The following GNAS variants were observed in gnomAD, a reference collection of about 807,000 sequenced individuals.
GNAS encodes protein ALEX.
GNAS carries 8 observed loss-of-function variants against 54.5 expected under a neutral mutation model. The observed-to-expected ratio is 0.15, with a 90% CI of 0.09 to 0.26. The LOEUF is 0.26. GNAS is among the 10% of genes least tolerant of loss of function. GNAS has a pLI of 1.00. For missense variants in GNAS, 170 were observed against 529.8 expected (o/e 0.32, Z 6.67); for synonymous variants, 204 against 191.4 (o/e 1.07, Z -0.54).
intron 1 of GNAS, among the ~76,000 whole-genome samples, chr20:58,866,471 C>A (rs2087073512): frequency 6.6e-6 from 1 of 152,176 alleles, no homozygotes; most frequent in Admixed American, 6.5e-5. Flanking sequence ...GACTCTGTAA[C>A]CATTATTTCT....
intron 1 of GNAS, among the ~76,000 whole-genome samples, chr20:58,883,525 G>A (rs1000786861): frequency 4.6e-5 from 7 of 152,224 alleles, no homozygotes; most frequent in Admixed American, 3.3e-4. Flanking sequence ...AACGCTTGCC[G>A]CTTGGGCTGA....
In GNAS at chr20:58,849,129, A is replaced by G. The variant is rs971271466; in HGVS notation, c.43+8243A>G. Among the ~76,000 whole-genome samples, 4 of 152,060 alleles carry G rather than the reference A, an allele frequency of 2.6e-5. No homozygotes were observed. The East Asian group carries it at 5.8e-4, about 22-fold the overall frequency. On this transcript the variant is annotated intron_variant, in intron 1 of 12. Coordinates refer to the GNAS transcript ENST00000306090. ...AGTCTGGAGACATTTTTGGTTGTTA[A>G]AACTAAGGGGATGCTACTGGCATCT...
rs749050777 is a variant in GNAS at position 58,854,204 on chromosome 20, C to G, written c.43+13318C>G. 6.2e-6 allele frequency: 10 copies of G among 1,613,102 alleles called. No homozygotes were observed. In the South Asian group the frequency reaches 8.8e-5, roughly 14 times the overall value. Reference sequence around the variant, plus strand: ...CCGGACCCCCGTTCGAGATTGGCAGCGCCCCCGCTGGGGTCGACGACACTC... The same window carrying G: ...CCGGACCCCCGTTCGAGATTGGCAGGGCCCCCGCTGGGGTCGACGACACTC... On this transcript the variant is annotated intron_variant, in intron 1 of 12. Transcript: ENST00000306090.
At chr20:58,852,367 T>C (rs1005386585) in intron 1 of GNAS, among the ~76,000 whole-genome samples, 1 of 152,144 alleles carries the variant, frequency 6.6e-6, no homozygotes, top group African/African-American at 2.4e-5. Context: ...CGTGCTTGCA[T>C]ACTCGGCATC....
chr20:58,889,568 TCCG>T (rs2088917488), upstream of GNAS: 1 of 153,186 alleles, frequency 6.5e-6, no homozygotes, highest in South Asian at 2.1e-4. Flanking sequence ...ACTCCTGCCA[TCCG>T]CGCCTTTGCA....
chr20:58,909,124 C>A lies in GNAS; in HGVS notation c.531-38C>A, dbSNP rs778699901. On this transcript the variant is annotated intron_variant, in intron 6 of 12. Transcript: ENST00000371085. The surrounding 1 kb of genome is among the most constrained non-coding windows in gnomAD (Gnocchi z 7.3). Reference sequence around the variant, plus strand: ...CAAATAGTTGGCAAATTGATGTGAGCGCTGTGAACACCCCACGTGTCTTTC... The same window carrying A: ...CAAATAGTTGGCAAATTGATGTGAGAGCTGTGAACACCCCACGTGTCTTTC... 3.2e-6 allele frequency: 5 copies of A among 1,574,632 alleles called. No individual in the cohort carries two copies. Among genetic ancestry groups the A allele is most frequent in the Non-Finnish European group, 3.5e-6 (4 of 1,144,230 alleles).
chr20:58,891,985 C>G lies in GNAS; in HGVS notation c.139+120C>G, dbSNP rs1247523719. 3 of 754,810 alleles carry G rather than the reference C, an allele frequency of 4.0e-6. No individual in the cohort carries two copies. The South Asian group carries it at 1.8e-4, about 45-fold the overall frequency. 46.8% of individuals were successfully genotyped at this position (754,810 alleles called of 1,614,324 possible). A position where few individuals can be genotyped will look rare whatever the true frequency, so the allele number is the denominator to read the frequency against. ...CGCGCTCCCGAGCCCCCCGCCCGTTCGCGGGCTCTGTCTGTGGGGGGCGAG... is the reference window on the plus strand; with the variant it reads ...CGCGCTCCCGAGCCCCCCGCCCGTTGGCGGGCTCTGTCTGTGGGGGGCGAG... On this transcript the variant is annotated intron_variant, in intron 1 of 12. Coordinates refer to ENST00000371085, the MANE Select transcript of GNAS (RefSeq NM_000516.7).
intron 5 of GNAS, 91 bp from the exon 6 acceptor site, chr20:58,905,292 T>C (rs2090964059): frequency 1.3e-6 from 1 of 797,606 alleles, no homozygotes. Flanking sequence ...GTCGGTCACA[T>C]AGGGAACTCT....
intron 1 of GNAS, among the ~76,000 whole-genome samples, chr20:58,846,572 G>A (rs4810147): frequency 0.39 from 58,985 of 152,128 alleles, 14,452 homozygotes; most frequent in East Asian, 0.81. Context: ...AAAGCTTTGG[G>A]TTTTGGTTCA....
intron 6 of GNAS, among the ~76,000 whole-genome samples, chr20:58,906,683 C>T (rs979661910): frequency 2.0e-5 from 3 of 152,088 alleles, no homozygotes; most frequent in African/African-American, 4.8e-5. Flanking sequence ...AGGTGCCTGC[C>T]GCCACAACCA....
chr20:58,903,502 A>G (rs1569015183), intron 3 of GNAS, 29 bp from the exon 4 acceptor site: 3 of 1,590,120 alleles, frequency 1.9e-6, no homozygotes, highest in Non-Finnish European at 2.6e-6. Context: ...GTGCAATATG[A>G]TTTTCTTTTC....
chr20:58,850,203 G>T (rs2086102153), intron 1 of GNAS, among the ~76,000 whole-genome samples: 1 of 152,122 alleles, frequency 6.6e-6, no homozygotes, highest in Non-Finnish European at 1.5e-5. Flanking sequence ...ATTTTCTCCA[G>T]CAAGACTTTC....
intron 1 of GNAS, chr20:58,854,981 C>T (rs775043398): frequency 4.3e-6 from 7 of 1,612,046 alleles, no homozygotes; most frequent in East Asian, 2.2e-5. Flanking sequence ...TGGCCAGCAG[C>T]GACGATGACT....
At position 58,857,597 on chromosome 20, in the gene GNAS, C is replaced by T. The variant is rs1240053297; in HGVS notation, c.43+16711C>T. Among the ~76,000 whole-genome samples, 1 of 151,830 alleles carries T rather than the reference C, an allele frequency of 6.6e-6. No individual in the cohort carries two copies. The highest frequency in any genetic ancestry group is 1.5e-5 in the Non-Finnish European group (1 of 67,936). On this transcript the variant is annotated intron_variant, in intron 1 of 12. Transcript: ENST00000306090. The surrounding 1 kb of genome is among the most constrained non-coding windows in gnomAD (Gnocchi z 4.1). ...CAGTTGCCTCCTTTGTGAAATGAAG[C>T]TTTCCTAGCAGATCTCCACTAAGGA... is the stretch of plus-strand genomic sequence containing the variant.
rs747319359 is a variant in GNAS at position 58,853,850 on chromosome 20, C to T, written c.43+12964C>T. 5 of 1,593,956 alleles carry T rather than the reference C, an allele frequency of 3.1e-6. No homozygotes were observed. Among genetic ancestry groups the T allele is most frequent in the South Asian group, 2.3e-5 (2 of 88,522 alleles). ...GAGGCCCAGGTGCTGCAGGGGTCCCCGGAGCTCCTCCCGAGGAGCCCCAAG... is the reference window on the plus strand; with the variant it reads ...GAGGCCCAGGTGCTGCAGGGGTCCCTGGAGCTCCTCCCGAGGAGCCCCAAG... On this transcript the variant is annotated intron_variant, in intron 1 of 12. Transcript: ENST00000306090. The surrounding 1 kb of genome is among the most constrained non-coding windows in gnomAD (Gnocchi z 4.4).
chr20:58,899,822 C>T, intron 3 of GNAS: 1 of 674,764 alleles, frequency 1.5e-6, no homozygotes, highest in East Asian at 2.7e-5. Flanking sequence ...TGAGACCATC[C>T]AGAACCATTG....
chr20:58,854,395 G>A (rs778121381), intron 1 of GNAS: 7 of 1,566,332 alleles, frequency 4.5e-6, no homozygotes, highest in East Asian at 2.4e-5. Context: ...CCCTCTCCGG[G>A]GTACGGATCC....
chr20:58,854,417 G>A, intron 1 of GNAS: 1 of 1,569,092 alleles, frequency 6.4e-7, no homozygotes, highest in Non-Finnish European at 8.6e-7. Context: ...CTGCCGCCGG[G>A]GCAGCCTCAG....
At chr20:58,840,050 G>T (rs140203361), upstream of GNAS, 3 of 1,593,622 alleles carry the variant, frequency 1.9e-6, no homozygotes, top group Non-Finnish European at 1.7e-6. The surrounding 1 kb of genome is among the most constrained non-coding windows in gnomAD (Gnocchi z 6.0). Flanking sequence ...ATGTGCTTCG[G>T]AGCCACTCTC....
Sources: allele counts gnomAD v4.1 joint callset (sites outside exome capture counted in the v4.1 genomes callset), GRCh38; gene constraint gnomAD v4.1.1; non-coding constraint Gnocchi (gnomAD v3.1); transcripts MANE v1.5; gene names NCBI Gene and HGNC (gene_info 2026-07-23, HGNC 2026-07-21).